Variants in H2BC9 observed in about 807,000 individuals in gnomAD.
H2BC9 encodes the protein H2B clustered histone 9, also known as histone H2B type 1-H.
H2BC9 carries 11 observed loss-of-function variants against 5.8 expected under a neutral mutation model. That is an observed-to-expected ratio of 1.89 (90% CI 1.19 to 3.12). The LOEUF (loss-of-function observed/expected upper bound fraction) is 3.12. Among genes scored for constraint, H2BC9 ranks in the 30% most tolerant of loss-of-function variants. The probability of loss-of-function intolerance (pLI) is 0.00; values close to 1 mark genes in which losing one functional copy is unlikely to be tolerated. For missense variants in H2BC9, 219 were observed against 167.8 expected, an observed-to-expected ratio of 1.30 and a Z score of -1.68; for synonymous variants, 136 against 72.2, an observed-to-expected ratio of 1.88 and a Z score of -4.48.
chr6:26,251,722 G>A lies in H2BC9; in HGVS notation c.72G>A (p.Lys24=), dbSNP rs772857742. 3 of 1,614,224 alleles carry A rather than the reference G, an allele frequency of 1.9e-6. No individual in the cohort carries two copies. The highest frequency in any genetic ancestry group is 1.7e-5 in the Admixed American group (1 of 60,020). The change falls in exon 1 of 1, where the codon AAG becomes AAA. Residue 24 remains lysine, a synonymous_variant. Transcript: ENST00000619466. ...GSKKAVTKAQ[K]KDGKKRKRSR... ...AGAAGGCGGTGACCAAGGCGCAGAAGAAGGATGGCAAGAAGCGTAAACGCA... is the reference window on the plus strand; with the variant it reads ...AGAAGGCGGTGACCAAGGCGCAGAAAAAGGATGGCAAGAAGCGTAAACGCA...
rs746815052 is a variant in H2BC9 at position 26,252,025 on chromosome 6, C to T, written c.375C>T (p.Ser125=). The change falls in exon 1 of 1, where the codon TCC becomes TCT. Residue 125 remains serine (S), a synonymous_variant. Transcript: ENST00000619466. ...GTKAVTKYTS[S]K Reference sequence around the variant, plus strand: ...AGGCCGTCACCAAGTACACCAGCTCCAAATAAATGGACGCATGTTCAAACC... The same window carrying T: ...AGGCCGTCACCAAGTACACCAGCTCTAAATAAATGGACGCATGTTCAAACC... 2 of 1,614,184 alleles carry T rather than the reference C, an allele frequency of 1.2e-6. No individual in the cohort carries two copies. Among genetic ancestry groups the T allele is most frequent in the African/African-American group, 1.3e-5 (1 of 75,044 alleles).
chr6:26,252,055 G>A lies in H2BC9; in HGVS notation c.*24G>A. Reference sequence around the variant, plus strand: ...AAATGGACGCATGTTCAAACCCAAAGGCTCTTTTCAGAGCCACTTAATGAT... The same window carrying A: ...AAATGGACGCATGTTCAAACCCAAAAGCTCTTTTCAGAGCCACTTAATGAT... On this transcript the variant is annotated 3_prime_UTR_variant, in exon 1 of 1. Coordinates refer to ENST00000619466, the MANE Select transcript of H2BC9 (RefSeq NM_003524.3). The A allele has an allele frequency of 6.2e-7, 1 of 1,613,666 alleles. No individual in the cohort carries two copies.
At position 26,251,815 on chromosome 6, in the gene H2BC9, C is replaced by A; in HGVS notation, c.165C>A (p.Ile55=). 6.2e-7 allele frequency: 1 copy of A among 1,614,260 alleles called. No individual in the cohort carries two copies. The highest frequency in any genetic ancestry group is 8.5e-7 in the Non-Finnish European group (1 of 1,180,048). The change falls in exon 1 of 1, where the codon ATC becomes ATA. Residue 55 remains isoleucine (I), a synonymous_variant. Transcript: ENST00000619466. ...VLKQVHPDTG[I]SSKAMGIMNS... ...AGCAAGTCCACCCCGACACCGGCAT[C>A]TCCTCCAAAGCCATGGGGATCATGA...
rs753368626 is a variant in H2BC9, at chr6:26,252,019, C to CA, written c.370dup (p.Ser124LysfsTer?). On this transcript the variant is annotated frameshift_variant, in exon 1 of 1. Coordinates refer to ENST00000619466, the MANE Select transcript of H2BC9 (RefSeq NM_003524.3). LOFTEE classifies it high-confidence loss of function. The stretch of plus-strand genomic sequence containing the variant: ...GCACTAAGGCCGTCACCAAGTACAC[C>CA]AGCTCCAAATAAATGGACGCATGTT... 28 of 1,614,116 alleles carry CA rather than the reference C, an allele frequency of 1.7e-5. No individual in the cohort carries two copies. Among genetic ancestry groups the CA allele is most frequent in the Non-Finnish European group, 2.3e-5 (27 of 1,180,054 alleles).
chr6:26,251,780 A>T lies in H2BC9; in HGVS notation c.130A>T (p.Lys44Ter), dbSNP rs1760081991. Reference sequence around the variant, plus strand: ...GGAGAGCTACTCCGTATACGTTTACAAGGTGCTGAAGCAAGTCCACCCCGA... The same window carrying T: ...GGAGAGCTACTCCGTATACGTTTACTAGGTGCTGAAGCAAGTCCACCCCGA... Reference protein sequence around the residue: ...RKESYSVYVYKVLKQVHPDTG... With the variant: ...RKESYSVYVY The change falls in exon 1 of 1, where the codon AAG (lysine) becomes TAG (stop). Residue 44 changes from lysine to a stop codon, truncating the protein, a stop_gained. Transcript: ENST00000619466. LOFTEE classifies it high-confidence loss of function. 11 of 1,614,258 alleles carry T rather than the reference A, an allele frequency of 6.8e-6. No homozygotes were observed. The highest frequency in any genetic ancestry group is 9.3e-6 in the Non-Finnish European group (11 of 1,180,042).
Position 26,251,794 on chromosome 6 carries a change from A to C in H2BC9, c.144A>C (p.Gln48His). ...TATACGTTTACAAGGTGCTGAAGCA[A>C]GTCCACCCCGACACCGGCATCTCCT... ...YSVYVYKVLK[Q>H]VHPDTGISSK... Residue 48 changes from glutamine (Q) to histidine (H), a missense_variant, in exon 1 of 1, where the codon CAA (glutamine) becomes CAC (histidine). Coordinates refer to ENST00000619466, the MANE Select transcript of H2BC9 (RefSeq NM_003524.3). The C allele has an allele frequency of 6.2e-7, 1 of 1,614,218 alleles. No individual in the cohort carries two copies. The highest frequency in any genetic ancestry group is 8.5e-7 in the Non-Finnish European group (1 of 1,180,028).
In H2BC9 at chr6:26,252,038, G is replaced by A; in HGVS notation, c.*7G>A. The A allele has an allele frequency of 1.2e-6, 2 of 1,614,100 alleles. No individual in the cohort carries two copies. Among genetic ancestry groups the A allele is most frequent in the South Asian group, 2.2e-5 (2 of 91,080 alleles). On this transcript the variant is annotated 3_prime_UTR_variant, in exon 1 of 1. Coordinates refer to ENST00000619466, the MANE Select transcript of H2BC9 (RefSeq NM_003524.3). ...GTACACCAGCTCCAAATAAATGGAC[G>A]CATGTTCAAACCCAAAGGCTCTTTT...
chr6:26,251,972 G>T lies in H2BC9; in HGVS notation c.322G>T (p.Ala108Ser). The T allele has an allele frequency of 1.9e-6, 3 of 1,614,206 alleles. No individual in the cohort carries two copies. Among genetic ancestry groups the T allele is most frequent in the Non-Finnish European group, 2.5e-6 (3 of 1,180,032 alleles). Reference sequence around the variant, plus strand: ...GCGCCTGCTGCTGCCTGGGGAACTGGCCAAGCACGCCGTGTCCGAGGGCAC... The same window carrying T: ...GCGCCTGCTGCTGCCTGGGGAACTGTCCAAGCACGCCGTGTCCGAGGGCAC... ...AVRLLLPGEL[A>S]KHAVSEGTKA... The change falls in exon 1 of 1, where the codon GCC becomes TCC. Residue 108 changes from alanine to serine, a missense_variant. By Grantham distance (99) the Ala-to-Ser change is moderately conservative. Coordinates refer to ENST00000619466, the MANE Select transcript of H2BC9 (RefSeq NM_003524.3).
At position 26,251,929 on chromosome 6, in the gene H2BC9, G is replaced by A. The variant is rs776795308; in HGVS notation, c.279G>A (p.Arg93=). Residue 93 remains arginine, a synonymous_variant, in exon 1 of 1, where the codon AGG becomes AGA. Transcript: ENST00000619466. ...HYNKRSTITS[R]EIQTAVRLLL... ...ACAAGCGTTCGACCATCACCTCCAG[G>A]GAGATCCAGACAGCCGTGCGCCTGC... 28 of 1,614,092 alleles carry A rather than the reference G, an allele frequency of 1.7e-5. No individual in the cohort carries two copies. In the Admixed American group the frequency reaches 1.8e-4, roughly 11 times the overall value.
chr6:26,251,629 C>T lies in H2BC9; in HGVS notation c.-22C>T, dbSNP rs113926281. The T allele has an allele frequency of 9.0e-4, 1,451 of 1,613,492 alleles. 10 individuals carry two copies. In the African/African-American group the frequency reaches 0.018, roughly 20 times the overall value. Reference sequence around the variant, plus strand: ...TTGAGCCTTCACTTTGGGGTGTATTCTTACTCCTTTATCTTGTTGCAATGC... The same window carrying T: ...TTGAGCCTTCACTTTGGGGTGTATTTTTACTCCTTTATCTTGTTGCAATGC... On this transcript the variant is annotated 5_prime_UTR_variant, in exon 1 of 1. Coordinates refer to ENST00000619466, the MANE Select transcript of H2BC9 (RefSeq NM_003524.3).
At position 26,251,743 on chromosome 6, in the gene H2BC9, A is replaced by G. The variant is rs1760078030; in HGVS notation, c.93A>G (p.Lys31=). ...AGAAGAAGGATGGCAAGAAGCGTAA[A>G]CGCAGCCGCAAGGAGAGCTACTCCG... ...KAQKKDGKKR[K]RSRKESYSVY... is the part of the protein sequence containing the mutation. The change falls in exon 1 of 1, where the codon AAA becomes AAG. Residue 31 remains lysine (K), a synonymous_variant. Coordinates refer to ENST00000619466, the MANE Select transcript of H2BC9 (RefSeq NM_003524.3). The G allele has an allele frequency of 6.2e-7, 1 of 1,614,196 alleles. No individual in the cohort carries two copies. Among genetic ancestry groups the G allele is most frequent in the Non-Finnish European group, 8.5e-7 (1 of 1,180,042 alleles).
chr6:26,252,045 C>G lies in H2BC9; in HGVS notation c.*14C>G, dbSNP rs368923300. 6.2e-7 allele frequency: 1 copy of G among 1,613,978 alleles called. No homozygotes were observed. The highest frequency in any genetic ancestry group is 8.5e-7 in the Non-Finnish European group (1 of 1,180,012). ...AGCTCCAAATAAATGGACGCATGTT[C>G]AAACCCAAAGGCTCTTTTCAGAGCC... On this transcript the variant is annotated 3_prime_UTR_variant, in exon 1 of 1. Coordinates refer to ENST00000619466, the MANE Select transcript of H2BC9 (RefSeq NM_003524.3).
rs145237651 is a variant in H2BC9 at position 26,251,791 on chromosome 6, G to C, written c.141G>C (p.Lys47Asn). ...CCGTATACGTTTACAAGGTGCTGAA[G>C]CAAGTCCACCCCGACACCGGCATCT... ...SYSVYVYKVLKQVHPDTGISS... is the reference protein window; with the variant it reads ...SYSVYVYKVLNQVHPDTGISS... Residue 47 changes from lysine (K) to asparagine (N), a missense_variant, in exon 1 of 1, where the codon AAG becomes AAC. Coordinates refer to ENST00000619466, the MANE Select transcript of H2BC9 (RefSeq NM_003524.3). 6.2e-7 allele frequency: 1 copy of C among 1,614,254 alleles called. No homozygotes were observed. The highest frequency in any genetic ancestry group is 8.5e-7 in the Non-Finnish European group (1 of 1,180,048).
Position 26,251,839 on chromosome 6 carries a change from G to A in H2BC9, c.189G>A (p.Met63Ile), listed in dbSNP as rs1760085444. The change falls in exon 1 of 1, where the codon ATG becomes ATA. Residue 63 changes from methionine (M) to isoleucine (I), a missense_variant. Met to Ile is a conservative substitution (Grantham distance 10). Coordinates refer to ENST00000619466, the MANE Select transcript of H2BC9 (RefSeq NM_003524.3). Reference protein sequence around the residue: ...TGISSKAMGIMNSFVNDIFER... With the variant: ...TGISSKAMGIINSFVNDIFER... ...TCTCCTCCAAAGCCATGGGGATCAT[G>A]AATTCCTTTGTCAACGATATCTTCG... The A allele has an allele frequency of 1.2e-6, 2 of 1,614,238 alleles. No homozygotes were observed. The highest frequency in any genetic ancestry group is 1.7e-6 in the Non-Finnish European group (2 of 1,180,044).
In H2BC9 at chr6:26,251,779, C is replaced by G. The variant is rs749621844; in HGVS notation, c.129C>G (p.Tyr43Ter). The G allele has an allele frequency of 5.6e-6, 9 of 1,614,134 alleles. No individual in the cohort carries two copies. Among genetic ancestry groups the G allele is most frequent in the Non-Finnish European group, 1.7e-6 (2 of 1,180,042 alleles). Residue 43 changes from tyrosine to a stop codon, truncating the protein, a stop_gained, in exon 1 of 1, where the codon TAC becomes TAG. Transcript: ENST00000619466. LOFTEE classifies it high-confidence loss of function. ...SRKESYSVYV[Y>*]KVLKQVHPDT... ...AGGAGAGCTACTCCGTATACGTTTACAAGGTGCTGAAGCAAGTCCACCCCG... is the reference window on the plus strand; with the variant it reads ...AGGAGAGCTACTCCGTATACGTTTAGAAGGTGCTGAAGCAAGTCCACCCCG...
chr6:26,251,665 T>C lies in H2BC9; in HGVS notation c.15T>C (p.Ala5=). The stretch of plus-strand genomic sequence containing the variant: ...ATCTTGTTGCAATGCCTGATCCAGC[T>C]AAGTCCGCTCCCGCCCCGAAGAAGG... The part of the protein sequence containing the change: MPDP[A]KSAPAPKKGS... Residue 5 remains alanine (A), a synonymous_variant, in exon 1 of 1, where the codon GCT becomes GCC. Transcript: ENST00000619466. 6.2e-7 allele frequency: 1 copy of C among 1,614,046 alleles called. No individual in the cohort carries two copies. Among genetic ancestry groups the C allele is most frequent in the Non-Finnish European group, 8.5e-7 (1 of 1,180,022 alleles).
chr6:26,251,845 CTT>C lies in H2BC9; in HGVS notation c.197_198del (p.Phe66CysfsTer51). On this transcript the variant is annotated frameshift_variant, in exon 1 of 1. Coordinates refer to ENST00000619466, the MANE Select transcript of H2BC9 (RefSeq NM_003524.3). LOFTEE classifies it high-confidence loss of function. ...CCAAAGCCATGGGGATCATGAATTC[CTT>C]TGTCAACGATATCTTCGAGCGCATC... ...SSKAMGIMNS[F>X]VNDIFERIAG... 1 of 1,614,206 alleles carries C rather than the reference CTT, an allele frequency of 6.2e-7. No homozygotes were observed. Among genetic ancestry groups the C allele is most frequent in the South Asian group, 1.1e-5 (1 of 91,086 alleles).
rs754639777 is a variant in H2BC9 at position 26,252,010 on chromosome 6, C to T, written c.360C>T (p.Thr120=). The T allele has an allele frequency of 4.3e-6, 7 of 1,614,204 alleles. No homozygotes were observed. The highest frequency in any genetic ancestry group is 1.1e-5 in the South Asian group (1 of 91,084). Reference sequence around the variant, plus strand: ...TGTCCGAGGGCACTAAGGCCGTCACCAAGTACACCAGCTCCAAATAAATGG... The same window carrying T: ...TGTCCGAGGGCACTAAGGCCGTCACTAAGTACACCAGCTCCAAATAAATGG... ...HAVSEGTKAV[T]KYTSSK The change falls in exon 1 of 1, where the codon ACC becomes ACT. Residue 120 remains threonine (T), a synonymous_variant. Coordinates refer to ENST00000619466, the MANE Select transcript of H2BC9 (RefSeq NM_003524.3).
Position 26,251,962 on chromosome 6 carries a change from T to G in H2BC9, c.312T>G (p.Pro104=), listed in dbSNP as rs201943873. The change falls in exon 1 of 1, where the codon CCT becomes CCG. Residue 104 remains proline (P), a synonymous_variant. Coordinates refer to ENST00000619466, the MANE Select transcript of H2BC9 (RefSeq NM_003524.3). The stretch of plus-strand genomic sequence containing the variant: ...AGACAGCCGTGCGCCTGCTGCTGCC[T>G]GGGGAACTGGCCAAGCACGCCGTGT... ...EIQTAVRLLL[P]GELAKHAVSE... 36 of 1,614,218 alleles carry G rather than the reference T, an allele frequency of 2.2e-5. No individual in the cohort carries two copies. The East Asian group carries it at 5.6e-4, about 25-fold the overall frequency.
Sources: gnomAD v4.1 joint callset for allele counts on GRCh38, gnomAD v4.1.1 for gene constraint, MANE v1.5 for transcripts, NCBI Gene and HGNC (gene_info 2026-07-23, HGNC 2026-07-21) for gene names.